The following MMAA variants were observed in gnomAD, a reference collection of about 807,000 sequenced individuals.
MMAA encodes methylmalonic aciduria type A protein, mitochondrial.
MMAA carries 41 observed loss-of-function variants against 45.0 expected under a neutral mutation model. That is an observed-to-expected ratio of 0.91 (90% confidence interval 0.71 to 1.18). The LOEUF (loss-of-function observed/expected upper bound fraction) is 1.18, where lower values mean the gene tolerates loss of function less well. MMAA is among the 50% of genes most tolerant of loss of function. The pLI is 0.00. For missense variants in MMAA, 460 were observed against 495.7 expected (o/e 0.93, Z 0.68); for synonymous variants, 154 against 178.2 (o/e 0.86, Z 1.08).
intron 2 of MMAA, chr4:145,639,829 G>A: frequency 1.0e-6 from 1 of 984,282 alleles, no homozygotes; most frequent in Non-Finnish European, 1.2e-6. Flanking sequence ...ATCTTGCTCT[G>A]GATCCCAGGA....
At chr4:145,635,591 A>T (rs1727588843) in intron 1 of MMAA, among the ~76,000 whole-genome samples, 1 of 152,074 alleles carries the variant, frequency 6.6e-6, no homozygotes, top group Non-Finnish European at 1.5e-5. Context: ...CACCTCTGTC[A>T]CTCTTTGTTT....
At chr4:145,630,849 G>A (rs1734322986) in intron 1 of MMAA, among the ~76,000 whole-genome samples, 2 of 152,150 alleles carry the variant, frequency 1.3e-5, no homozygotes, top group South Asian at 4.1e-4. Flanking sequence ...GGTATGATGT[G>A]TTTCCATTAT....
Position 145,656,138 on chromosome 4 carries a change from C to T in MMAA, c.*704C>T, listed in dbSNP as rs1728223294. 6.6e-6 allele frequency: 1 copy of T among 152,124 alleles called. No individual in the cohort carries two copies. The highest frequency in any genetic ancestry group is 2.1e-4 in the South Asian group (1 of 4,830). The allele number at this position is 152,124 out of a possible 1,614,324, so 9.4% of individuals were successfully genotyped here. On this transcript the variant is annotated 3_prime_UTR_variant, in exon 7 of 7. Coordinates refer to ENST00000649156, the MANE Select transcript of MMAA (RefSeq NM_172250.3). ...TATTTGTAGCCAATTGGAGTAAACC[C>T]CTAAAAGACAAAGTGAGGTCAGAAT...
chr4:145,639,592 G>T lies in MMAA; in HGVS notation c.439+14G>T, dbSNP rs1258089742. 3.1e-6 allele frequency: 5 copies of T among 1,600,586 alleles called. No individual in the cohort carries two copies. The Admixed American group carries it at 5.1e-5, about 16-fold the overall frequency. On this transcript the variant is annotated intron_variant, in intron 2 of 6. Coordinates refer to ENST00000649156, the MANE Select transcript of MMAA (RefSeq NM_172250.3). ...CATTTCGAGTAGGTCAGTCTTTTTT[G>T]TGTGTTTTCTCAGTAAATATTTTTA... is the stretch of plus-strand genomic sequence containing the variant.
chr4:145,635,967 C>T (rs979590431), intron 1 of MMAA, among the ~76,000 whole-genome samples: 1 of 152,202 alleles, frequency 6.6e-6, no homozygotes, highest in Non-Finnish European at 1.5e-5. Context: ...AATCTTGGCC[C>T]TGCCACTGGC....
chr4:145,642,932 A>G (rs1156620401), intron 3 of MMAA: 1 of 232,900 alleles, frequency 4.3e-6, no homozygotes, highest in Non-Finnish European at 8.5e-6. Flanking sequence ...ATAATTGTCA[A>G]CTGTTTATAT....
rs1727814502 is a variant in MMAA, at chr4:145,642,460, G to A, written c.537G>A (p.Val179=). 3.1e-6 allele frequency: 5 copies of A among 1,613,994 alleles called. No homozygotes were observed. The highest frequency in any genetic ancestry group is 1.1e-5 in the South Asian group (1 of 91,086). ...ERGHKLSVLA[V]DPSSCTSGGS... is the part of the protein sequence containing the mutation. ...GGCACAAATTATCTGTGCTAGCTGT[G>A]GACCCTTCTTCTTGTACTAGTGGTG... The change falls in exon 3 of 7, where the codon GTG becomes GTA. Residue 179 remains valine, a synonymous_variant. Transcript: ENST00000649156.
At chr4:145,643,333 T>C (rs1342808277) in intron 3 of MMAA, among the ~76,000 whole-genome samples, 3 of 152,212 alleles carry the variant, frequency 2.0e-5, no homozygotes, top group Admixed American at 6.5e-5. Flanking sequence ...GATACAGTCC[T>C]GGCTTTAGTG....
rs1560804196 is a variant in MMAA, at chr4:145,657,227, G to A, written c.*1793G>A. 2 of 152,168 alleles carry A rather than the reference G, an allele frequency of 1.3e-5. No individual in the cohort carries two copies. The highest frequency in any genetic ancestry group is 4.1e-4 in the South Asian group (2 of 4,828). The allele number at this position is 152,168 out of a possible 1,614,324, so 9.4% of individuals were successfully genotyped here. On this transcript the variant is annotated 3_prime_UTR_variant, in exon 7 of 7. Transcript: ENST00000649156. ...TGAACTACTTTTAAATGTTATAAAT[G>A]TCATCATAAAAATCATTAGAAAACT...
At chr4:145,625,039 C>A in intron 1 of MMAA, 1 of 907,646 alleles carries the variant, frequency 1.1e-6, no homozygotes, top group South Asian at 1.4e-5. Flanking sequence ...AGAGCTCAAA[C>A]TTCTCACCGG....
At chr4:145,631,155 A>T (rs114291925) in intron 1 of MMAA, among the ~76,000 whole-genome samples, 1 of 152,156 alleles carries the variant, frequency 6.6e-6, no homozygotes. Flanking sequence ...GTAAATACCT[A>T]TTAGGTCCAT....
chr4:145,635,557 C>G (rs997854140), intron 1 of MMAA, among the ~76,000 whole-genome samples: 2 of 152,184 alleles, frequency 1.3e-5, no homozygotes, highest in African/African-American at 2.4e-5. Flanking sequence ...GCCTTGTATT[C>G]TGCTATCGTG....
chr4:145,629,964 A>G (rs1274740723), intron 1 of MMAA, among the ~76,000 whole-genome samples: 2 of 152,106 alleles, frequency 1.3e-5, no homozygotes, highest in South Asian at 2.1e-4. Context: ...TCAAGCCTCT[A>G]GGTATTTTTT....
At chr4:145,636,090 TA>T (rs1202531453) in intron 1 of MMAA, among the ~76,000 whole-genome samples, 45 of 152,204 alleles carry the variant, frequency 3.0e-4, no homozygotes, top group African/African-American at 8.9e-4. Flanking sequence ...TGAAATAAAA[TA>T]TCTGAAAGTG....
chr4:145,650,006 T>G (rs1467969987), intron 4 of MMAA, among the ~76,000 whole-genome samples: 1 of 152,094 alleles, frequency 6.6e-6, no homozygotes, highest in Non-Finnish European at 1.5e-5. Context: ...CAGTTTTAAG[T>G]GGGGTGAGAT....
At chr4:145,639,917 A>G in intron 2 of MMAA, 7 of 785,134 alleles carry the variant, frequency 8.9e-6, no homozygotes, top group Non-Finnish European at 1.1e-5. Flanking sequence ...AATAGTTTAA[A>G]GTGAATTCCC....
intron 1 of MMAA, among the ~76,000 whole-genome samples, chr4:145,633,196 C>CTTTTTTTTTT (rs941603291): frequency 5.7e-5 from 5 of 88,474 alleles, no homozygotes; most frequent in Non-Finnish European, 8.8e-5. Context: ...ATTTCTTTTT[C>CTTTTTTTTTT]TTTTTTTTTT....
rs1728338627 is a variant in MMAA at position 145,659,915 on chromosome 4, C to T, written c.*4481C>T. ...CAATAGAACACCTGAACTTATTCCTCCTATCTAGTTGTAACTTTGTACCCA... is the reference window on the plus strand; with the variant it reads ...CAATAGAACACCTGAACTTATTCCTTCTATCTAGTTGTAACTTTGTACCCA... On this transcript the variant is annotated 3_prime_UTR_variant, in exon 7 of 7. Coordinates refer to ENST00000649156, the MANE Select transcript of MMAA (RefSeq NM_172250.3). 6.6e-6 allele frequency: 1 copy of T among 152,248 alleles called. No homozygotes were observed. The highest frequency in any genetic ancestry group is 2.4e-5 in the African/African-American group (1 of 41,542). 9.4% of individuals were successfully genotyped at this position (152,248 alleles called of 1,614,324 possible). A position where few individuals can be genotyped will look rare whatever the true frequency, so the allele number is the denominator to read the frequency against.
chr4:145,635,417 T>A (rs914157524), intron 1 of MMAA, among the ~76,000 whole-genome samples: 4 of 152,214 alleles, frequency 2.6e-5, no homozygotes, highest in African/African-American at 9.6e-5. Flanking sequence ...AGAAATGCTC[T>A]CTGCATCATG....
Sources: allele counts gnomAD v4.1 joint callset (sites outside exome capture counted in the v4.1 genomes callset), GRCh38; gene constraint gnomAD v4.1.1; transcripts MANE v1.5; gene names NCBI Gene and HGNC (gene_info 2026-07-23, HGNC 2026-07-21).